Variants in EML5 observed in about 807,000 individuals in gnomAD.
The protein encoded by EML5 is EMAP like 5.
Under a neutral mutation model 250.0 loss-of-function variants are expected in EML5, and 120 were observed. The observed-to-expected ratio is 0.48, with a 90% CI of 0.41 to 0.56. The LOEUF (loss-of-function observed/expected upper bound fraction) is 0.56. EML5 is among the 20% of genes least tolerant of loss of function. The pLI is 0.00. For missense variants in EML5, 2,006 were observed against 2,437.6 expected (o/e 0.82, Z 3.73); for synonymous variants, 771 against 806.5 (o/e 0.96, Z 0.75).
chr14:88,672,749 A>C (rs1368496867), intron 21 of EML5, among the ~76,000 whole-genome samples: 2 of 152,230 alleles, frequency 1.3e-5, no homozygotes, highest in African/African-American at 4.8e-5. Context: ...ATCAGAGAAT[A>C]CTATAAACAC....
intron 33 of EML5, among the ~76,000 whole-genome samples, chr14:88,631,100 T>C (rs1235850816): frequency 2.0e-5 from 3 of 152,166 alleles, no homozygotes; most frequent in Non-Finnish European, 4.4e-5. Context: ...GCCTTAAGGA[T>C]CAAAAATATC....
At chr14:88,786,871 A>C (rs1346488854) in intron 1 of EML5, among the ~76,000 whole-genome samples, 2 of 152,214 alleles carry the variant, frequency 1.3e-5, no homozygotes, top group Non-Finnish European at 2.9e-5. Flanking sequence ...TCTCTTTATC[A>C]GCAGCATGAA....
intron 1 of EML5, among the ~76,000 whole-genome samples, chr14:88,780,474 T>C (rs2094486800): frequency 1.3e-5 from 2 of 152,104 alleles, no homozygotes; most frequent in Non-Finnish European, 1.5e-5. Context: ...ATAGAATACA[T>C]ACAAATGGAT....
chr14:88,746,604 G>A (rs1232865444), intron 2 of EML5, among the ~76,000 whole-genome samples: 1 of 151,996 alleles, frequency 6.6e-6, no homozygotes, highest in African/African-American at 2.4e-5. Context: ...ATGGACTGAT[G>A]AGCTGTCGAA....
rs1251664711 is a variant in EML5 at position 88,614,635 on chromosome 14, ACATAATTTTCAATCTT to A, written c.*1167_*1182del. ...AAAATATATTTTTAAATAGCAGTCT[ACATAATTTTCAATCTT>A]CAGGAAACTACAGATAGGCTAGACA... is the stretch of plus-strand genomic sequence containing the variant. On this transcript the variant is annotated 3_prime_UTR_variant, in exon 44 of 44. Coordinates refer to ENST00000554922, the MANE Select transcript of EML5 (RefSeq NM_183387.3). 6.6e-6 allele frequency: 1 copy of A among 152,222 alleles called. No homozygotes were observed. The highest frequency in any genetic ancestry group is 2.4e-5 in the African/African-American group (1 of 41,462). The allele number at this position is 152,222 out of a possible 1,614,324, so 9.4% of individuals were successfully genotyped here.
Position 88,644,462 on chromosome 14 carries a change from T to C in EML5, c.4078A>G (p.Asn1360Asp). The C allele has an allele frequency of 6.2e-7, 1 of 1,613,764 alleles. No individual in the cohort carries two copies. The change falls in exon 30 of 44, where the codon AAT becomes GAT. Residue 1360 changes from asparagine (N) to aspartate (D), a missense_variant. By Grantham distance (23) the Asn-to-Asp change is conservative (BLOSUM62 1). Coordinates refer to ENST00000554922, the MANE Select transcript of EML5 (RefSeq NM_183387.3). Reference protein sequence around the residue: ...PPQPEKLQTNNVGKKKRPIED... With the variant: ...PPQPEKLQTNDVGKKKRPIED... Reference sequence around the variant, plus strand: ...ATAGGTCTCTTTTTCTTGCCTACATTGTTTGTCTGGAGTTTCTCTGGCTGT... The same window carrying C: ...ATAGGTCTCTTTTTCTTGCCTACATCGTTTGTCTGGAGTTTCTCTGGCTGT...
At position 88,643,030 on chromosome 14, in the gene EML5, G is replaced by T; in HGVS notation, c.4108-8C>A. On this transcript the variant is annotated splice_polypyrimidine_tract_variant and splice_region_variant and intron_variant, in intron 30 of 43. Coordinates refer to ENST00000554922, the MANE Select transcript of EML5 (RefSeq NM_183387.3). ...GAGCTCCAACACAAGGTCCTATAAT[G>T]ATAATAATAAAACCATTATATTCTT... 6.4e-7 allele frequency: 1 copy of T among 1,561,130 alleles called. No homozygotes were observed. The highest frequency in any genetic ancestry group is 1.2e-5 in the South Asian group (1 of 81,110).
intron 27 of EML5, among the ~76,000 whole-genome samples, chr14:88,655,288 C>G (rs1296073214): frequency 6.6e-6 from 1 of 152,022 alleles, no homozygotes; most frequent in Non-Finnish European, 1.5e-5. Flanking sequence ...ATATATAGAC[C>G]AATGGAACAG....
chr14:88,763,634 G>A (rs992984996), intron 1 of EML5, among the ~76,000 whole-genome samples: 7 of 152,022 alleles, frequency 4.6e-5, no homozygotes, highest in African/African-American at 1.5e-4. Flanking sequence ...GAAAAAGAGG[G>A]AATTCTCCCT....
chr14:88,765,579 A>G (rs575535263), intron 1 of EML5, among the ~76,000 whole-genome samples: 14 of 152,300 alleles, frequency 9.2e-5, no homozygotes, highest in African/African-American at 3.4e-4. Flanking sequence ...GCCCATCTAG[A>G]TAATTCAAGA....
intron 20 of EML5, 120 bp from the exon 21 acceptor site, chr14:88,682,151 A>T: frequency 9.6e-7 from 1 of 1,046,518 alleles, no homozygotes; most frequent in Non-Finnish European, 1.3e-6. Context: ...CCGAATAGTG[A>T]GTAAATCTAT....
chr14:88,735,687 T>C (rs368741166), intron 7 of EML5, among the ~76,000 whole-genome samples: 4 of 152,320 alleles, frequency 2.6e-5, no homozygotes, highest in East Asian at 1.9e-4. Flanking sequence ...GAGATATTCA[T>C]ACATGTACAA....
intron 6 of EML5, among the ~76,000 whole-genome samples, chr14:88,737,577 C>G (rs1235564724): frequency 6.6e-6 from 1 of 152,222 alleles, no homozygotes; most frequent in Non-Finnish European, 1.5e-5. Context: ...TATCCTGTGT[C>G]AATAATTCCA....
intron 1 of EML5, among the ~76,000 whole-genome samples, chr14:88,779,932 G>C (rs1175576828): frequency 6.6e-6 from 1 of 151,858 alleles, no homozygotes; most frequent in Non-Finnish European, 1.5e-5. Flanking sequence ...ATTCTCTATG[G>C]ATCTCTCATG....
At chr14:88,677,201 G>A (rs1238722296) in intron 21 of EML5, among the ~76,000 whole-genome samples, 1 of 152,046 alleles carries the variant, frequency 6.6e-6, no homozygotes, top group Non-Finnish European at 1.5e-5. Context: ...CACCACACCT[G>A]GCCAGATTCC....
At position 88,706,388 on chromosome 14, in the gene EML5, C is replaced by T. The variant is rs777401777; in HGVS notation, c.1696G>A (p.Val566Ile). The T allele has an allele frequency of 1.7e-5, 28 of 1,603,830 alleles. 1 individual carries two copies. The highest frequency in any genetic ancestry group is 1.7e-4 in the Middle Eastern group (1 of 6,052). ...TCATGTGACCATCTGACATTAGTTA[C>T]GTGAGCTGAATGGCCAATATATTTT... is the stretch of plus-strand genomic sequence containing the variant. ...FRKYIGHSAH[V>I]TNVRWSHDYQ... The change falls in exon 11 of 44, where the codon GTA becomes ATA. Residue 566 changes from valine (V) to isoleucine (I), a missense_variant. Val to Ile is a conservative substitution (Grantham distance 29). This residue lies in a region of EML5 where 1,375 missense variants were observed against 1,590.3 expected (regional missense o/e 0.86). Transcript: ENST00000554922.
At chr14:88,695,664 C>T (rs2093061583) in intron 15 of EML5, among the ~76,000 whole-genome samples, 1 of 151,978 alleles carries the variant, frequency 6.6e-6, no homozygotes, top group South Asian at 2.1e-4. Flanking sequence ...CTGCTCTCAT[C>T]GCACCTGATC....
chr14:88,705,389 A>G, intron 12 of EML5, 93 bp downstream of exon 12: 1 of 934,526 alleles, frequency 1.1e-6, no homozygotes, highest in Non-Finnish European at 1.7e-6. Context: ...GAGAAATTAA[A>G]GCCACAAAAG....
chr14:88,632,393 C>T (rs984532487), intron 33 of EML5, among the ~76,000 whole-genome samples: 1 of 152,182 alleles, frequency 6.6e-6, no homozygotes, highest in African/African-American at 2.4e-5. Context: ...TAAATTCGGT[C>T]ATATCACTCC....
Sources: allele counts gnomAD v4.1 joint callset (sites outside exome capture counted in the v4.1 genomes callset), GRCh38; gene constraint gnomAD v4.1.1; regional missense constraint gnomAD v4.1.1; transcripts MANE v1.5; gene names NCBI Gene and HGNC (gene_info 2026-07-23, HGNC 2026-07-21).